The following ZNF33A variants were observed in gnomAD, a reference collection of about 807,000 sequenced individuals.
ZNF33A encodes the protein zinc finger protein 33A.
Under a neutral mutation model 15.9 loss-of-function variants are expected in ZNF33A, and 9 were observed. That is an observed-to-expected ratio of 0.57 (90% confidence interval 0.34 to 0.99). ZNF33A has a LOEUF of 0.99. ZNF33A is among the 50% of genes least tolerant of loss of function. ZNF33A has a pLI of 0.02. For missense variants in ZNF33A, 843 were observed against 941.6 expected, an observed-to-expected ratio of 0.90 and a Z score of 1.37; for synonymous variants, 294 against 324.2, an observed-to-expected ratio of 0.91 and a Z score of 1.00.
chr10:38,042,882 A>C (rs534951404), intron 4 of ZNF33A, among the ~76,000 whole-genome samples: 1 of 152,238 alleles, frequency 6.6e-6, no homozygotes, highest in South Asian at 2.1e-4. Flanking sequence ...TTGCATTTTT[A>C]TATGTTATAG....
At chr10:38,012,425 GT>G (rs10716292) in intron 2 of ZNF33A, 75 bp downstream of exon 2, 116,165 of 522,160 alleles carry the variant, frequency 0.22, 317 homozygotes, top group East Asian at 0.24. Context: ...TATGGTGTTT[GT>G]TTTTTTTTTT....
chr10:38,039,923 T>A (rs1464515629), intron 4 of ZNF33A, among the ~76,000 whole-genome samples: 1 of 151,690 alleles, frequency 6.6e-6, no homozygotes, highest in Admixed American at 6.6e-5. Flanking sequence ...TTTGGTTTTG[T>A]ATTGCTGCTC....
At chr10:38,023,121 T>G (rs762871522) in intron 4 of ZNF33A, among the ~76,000 whole-genome samples, 1 of 152,108 alleles carries the variant, frequency 6.6e-6, no homozygotes, top group Non-Finnish European at 1.5e-5. Context: ...AATTTCTGTA[T>G]TTTTAGTAGA....
chr10:38,056,646 T>A lies in ZNF33A; in HGVS notation c.*86T>A. The stretch of plus-strand genomic sequence containing the variant: ...ACAACAATTATAGGACAGCTTTTGT[T>A]AGGAAGTGATATTCTATGTAATATC... On this transcript the variant is annotated 3_prime_UTR_variant, in exon 5 of 5. Coordinates refer to ENST00000432900, the MANE Select transcript of ZNF33A (RefSeq NM_006954.2). 1 of 1,469,532 alleles carries A rather than the reference T, an allele frequency of 6.8e-7. No homozygotes were observed. Among genetic ancestry groups the A allele is most frequent in the South Asian group, 1.5e-5 (1 of 64,718 alleles). 91.0% of individuals were successfully genotyped at this position (1,469,532 alleles called of 1,614,324 possible).
chr10:38,022,788 A>G (rs2064813153), intron 4 of ZNF33A, among the ~76,000 whole-genome samples: 1 of 152,188 alleles, frequency 6.6e-6, no homozygotes, highest in Non-Finnish European at 1.5e-5. Context: ...AAAGGTTGAC[A>G]TAATTTGAAT....
At chr10:38,064,576 C>T (rs1181143190), downstream of ZNF33A, 1 of 153,894 alleles carries the variant, frequency 6.5e-6, no homozygotes, top group African/African-American at 2.4e-5. Flanking sequence ...TCTCTCCCAT[C>T]TGTGATCTCC....
At chr10:38,062,990 G>A (rs1343868525), downstream of ZNF33A, among the ~76,000 whole-genome samples, 16 of 112,178 alleles carry the variant, frequency 1.4e-4, no homozygotes, top group African/African-American at 4.3e-4. Flanking sequence ...ACGACAGAGC[G>A]AGACTCCATC....
At chr10:38,035,510 A>G (rs903679383) in intron 4 of ZNF33A, among the ~76,000 whole-genome samples, 5 of 152,120 alleles carry the variant, frequency 3.3e-5, no homozygotes, top group African/African-American at 1.2e-4. Context: ...TAATTTTATA[A>G]TTTTATCAAC....
rs192536664 is a variant in ZNF33A, at chr10:38,055,324, C to T, written c.1200C>T (p.Leu400=). 2.3e-4 allele frequency: 365 copies of T among 1,613,808 alleles called. 3 individuals are homozygous for T. The East Asian group carries it at 8.1e-3, about 36-fold the overall frequency. The change falls in exon 5 of 5, where the codon CTC becomes CTT. Residue 400 remains leucine (L), a synonymous_variant. Transcript: ENST00000432900. ...AAGCCTTTAGCCATAAGTCAGCCCT[C>T]ACATTACACCAGAGAACACATACAG... ...CGKAFSHKSA[L]TLHQRTHTGE...
At chr10:38,012,164 T>G (rs1019299602) in intron 1 of ZNF33A, 134 bp from the exon 2 acceptor site, 1 of 756,400 alleles carries the variant, frequency 1.3e-6, no homozygotes, top group African/African-American at 1.8e-5. Flanking sequence ...TTCCAAAGTG[T>G]CAGAGGACAT....
Position 38,057,280 on chromosome 10 carries a change from TATTA to T in ZNF33A, c.*723_*726del. On this transcript the variant is annotated 3_prime_UTR_variant, in exon 5 of 5. Coordinates refer to ENST00000432900, the MANE Select transcript of ZNF33A (RefSeq NM_006954.2). ...TTAGCCTCAAGTAGTTCCCTTTTTGTATTAATAACCACACGCTTTCTGCAACCCT... is the reference window on the plus strand; with the variant it reads ...TTAGCCTCAAGTAGTTCCCTTTTTGTATAACCACACGCTTTCTGCAACCCT... 3.0e-6 allele frequency: 3 copies of T among 985,208 alleles called. No homozygotes were observed. The highest frequency in any genetic ancestry group is 3.6e-6 in the Non-Finnish European group (3 of 829,696). The allele number at this position is 985,208 out of a possible 1,614,324, so 61.0% of individuals were successfully genotyped here.
At chr10:38,035,737 C>T (rs1474042087) in intron 4 of ZNF33A, among the ~76,000 whole-genome samples, 1 of 152,096 alleles carries the variant, frequency 6.6e-6, no homozygotes, top group East Asian at 1.9e-4. Flanking sequence ...CCTTGAAATA[C>T]ACAAACTACC....
At chr10:38,015,922 T>G in intron 2 of ZNF33A, 1 of 1,099,804 alleles carries the variant, frequency 9.1e-7, no homozygotes, top group Non-Finnish European at 1.2e-6. Flanking sequence ...TCCTGTAATT[T>G]CAGTATATGC....
intron 4 of ZNF33A, among the ~76,000 whole-genome samples, chr10:38,029,846 C>T (rs1230916606): frequency 4.6e-5 from 7 of 152,046 alleles, no homozygotes; most frequent in Non-Finnish European, 1.0e-4. Context: ...ATGAACAAAA[C>T]CTTGGGAAAC....
At chr10:38,014,038 T>TTTC (rs2064330142) in intron 2 of ZNF33A, among the ~76,000 whole-genome samples, 1 of 87,578 alleles carries the variant, frequency 1.1e-5, no homozygotes, top group Non-Finnish European at 2.5e-5. Context: ...ATGTCTGATT[T>TTTC]TTTTTTTTTT....
chr10:38,017,333 A>C lies in ZNF33A; in HGVS notation c.197A>C (p.Gln66Pro). The C allele has an allele frequency of 6.2e-7, 1 of 1,614,100 alleles. No homozygotes were observed. Among genetic ancestry groups the C allele is most frequent in the Non-Finnish European group, 8.5e-7 (1 of 1,179,980 alleles). Residue 66 changes from glutamine (Q) to proline (P), a missense_variant, in exon 4 of 5, where the codon CAA (glutamine) becomes CCA (proline). Physicochemically the swap from Gln to Pro is moderately conservative, Grantham distance 76. Transcript: ENST00000432900. ...HKPEVIFRLQ[Q>P]GEEPWKQEEE... ...CCAGAGGTGATCTTCAGGCTGCAAC[A>C]AGGAGAAGAGCCATGGAAACAGGAG...
upstream of ZNF33A, chr10:38,010,610 G>C (rs769252654): frequency 6.6e-5 from 78 of 1,181,684 alleles, no homozygotes; most frequent in Non-Finnish European, 9.4e-5. Flanking sequence ...TTCCAGGTAG[G>C]GCGCCAACAG....
chr10:38,039,771 C>T (rs1398109140), intron 4 of ZNF33A, among the ~76,000 whole-genome samples: 1 of 151,592 alleles, frequency 6.6e-6, no homozygotes, highest in African/African-American at 2.4e-5. Context: ...CCTTCTCTCT[C>T]TTTTTTTTCT....
At chr10:38,019,993 A>G (rs558343151) in intron 4 of ZNF33A, among the ~76,000 whole-genome samples, 1 of 152,300 alleles carries the variant, frequency 6.6e-6, no homozygotes, top group Non-Finnish European at 1.5e-5. Flanking sequence ...TGATAGACTG[A>G]TAAGTTACAT....
Sources: allele counts gnomAD v4.1 joint callset (sites outside exome capture counted in the v4.1 genomes callset), GRCh38; gene constraint gnomAD v4.1.1; transcripts MANE v1.5; gene names NCBI Gene and HGNC (gene_info 2026-07-23, HGNC 2026-07-21).